The following IFT27 variants were observed in gnomAD, a reference collection of about 807,000 sequenced individuals.
IFT27 encodes intraflagellar transport protein 27 homolog.
A neutral mutation model predicts 23.9 loss-of-function variants in IFT27; 19 were observed. That is an observed-to-expected ratio of 0.79 (90% CI 0.55 to 1.16). The LOEUF (loss-of-function observed/expected upper bound fraction) is 1.16, where lower values mean the gene tolerates loss of function less well. Among genes scored for constraint, IFT27 ranks in the 50% most tolerant of loss-of-function variants. The probability of loss-of-function intolerance (pLI) is 0.00; values close to 1 mark genes in which losing one functional copy is unlikely to be tolerated. For missense variants in IFT27, 206 were observed against 228.7 expected (o/e 0.90, Z 0.64); for synonymous variants, 91 against 89.1 (o/e 1.02, Z -0.12).
chr22:36,763,853 G>A (rs760598391), intron 5 of IFT27, 66 bp downstream of exon 5: 3 of 1,148,588 alleles, frequency 2.6e-6, no homozygotes, highest in Non-Finnish European at 4.0e-6. Flanking sequence ...CCTCTGCAAT[G>A]CCCTTGTGCT....
intron 5 of IFT27, chr22:36,763,388 G>T (rs559148003): frequency 6.5e-5 from 17 of 259,796 alleles, no homozygotes; most frequent in Non-Finnish European, 1.2e-4. Context: ...GTAATCTAAG[G>T]ACTCGGCTCG....
rs781647476 is a variant in IFT27, at chr22:36,766,115, G to A, written c.234+23C>T. 1.1e-5 allele frequency: 17 copies of A among 1,607,390 alleles called. No homozygotes were observed. The Admixed American group carries it at 2.2e-4, about 20-fold the overall frequency. ...TTTGGCAGGAGGTGGTGACAGTCAG[G>A]AAAAAGACCACGTGCTACTTGCCAA... is the stretch of plus-strand genomic sequence containing the variant. On this transcript the variant is annotated intron_variant, in intron 4 of 6. Transcript: ENST00000433985.
At chr22:36,768,262 A>C (rs1446630127) in intron 1 of IFT27, 1 of 363,280 alleles carries the variant, frequency 2.8e-6, no homozygotes, top group African/African-American at 2.1e-5. Context: ...ACTGACAGGC[A>C]GAGTCACCTG....
chr22:36,771,913 C>T (rs2145924725), intron 1 of IFT27, among the ~76,000 whole-genome samples: 1 of 152,242 alleles, frequency 6.6e-6, no homozygotes, highest in South Asian at 2.1e-4. Context: ...TCCTTCATAG[C>T]CTACCCATCT....
At chr22:36,769,751 C>G (rs1938350297) in intron 1 of IFT27, among the ~76,000 whole-genome samples, 2 of 152,226 alleles carry the variant, frequency 1.3e-5, no homozygotes, top group South Asian at 4.1e-4. Flanking sequence ...TCGGAGCAAA[C>G]AGAGCGCATC....
intron 3 of IFT27, 190 bp from the exon 4 acceptor site, chr22:36,766,387 T>C (rs1601497245): frequency 3.4e-6 from 2 of 592,316 alleles, no homozygotes; most frequent in Non-Finnish European, 6.1e-6. Flanking sequence ...TCCAGAGTCT[T>C]AGAGAGGCAG....
chr22:36,769,251 T>G (rs1256775687), intron 1 of IFT27, among the ~76,000 whole-genome samples: 1 of 152,152 alleles, frequency 6.6e-6, no homozygotes, highest in East Asian at 1.9e-4. Flanking sequence ...TCACCTTACC[T>G]GACAGATGAA....
chr22:36,772,853 T>G (rs1938416424), intron 1 of IFT27: 65 of 705,628 alleles, frequency 9.2e-5, no homozygotes, highest in Non-Finnish European at 1.0e-4. Flanking sequence ...ACCAATGGCA[T>G]GTGTGTGGTG....
At position 36,768,077 on chromosome 22, in the gene IFT27, G is replaced by A. The variant is rs899575618; in HGVS notation, c.35-215C>T. ...AACAGCCAGAGCACACTTCTGCACG[G>A]CTAAGCCTTTTATCCACAGGAACTG... On this transcript the variant is annotated intron_variant, in intron 1 of 6. Transcript: ENST00000433985. 13 of 674,076 alleles carry A rather than the reference G, an allele frequency of 1.9e-5. No individual in the cohort carries two copies. In the African/African-American group the frequency reaches 2.1e-4, roughly 11 times the overall value. The allele number at this position is 674,076 out of a possible 1,614,324, so 41.8% of individuals were successfully genotyped here. A position where few individuals can be genotyped will look rare whatever the true frequency, so the allele number is the denominator to read the frequency against.
intron 6 of IFT27, chr22:36,760,080 C>A (rs910662585): frequency 1.3e-5 from 2 of 152,244 alleles, no homozygotes; most frequent in African/African-American, 4.8e-5. Context: ...CTCCCAACAG[C>A]CAAGGACTTG....
rs1937995026 is a variant in IFT27, at chr22:36,758,577, T to G, written c.463-168A>C. 3.3e-6 allele frequency: 2 copies of G among 608,432 alleles called. 1 individual carries two copies. The highest frequency in any genetic ancestry group is 3.9e-5 in the South Asian group (2 of 51,538). 37.7% of individuals were successfully genotyped at this position (608,432 alleles called of 1,614,324 possible). A position where few individuals can be genotyped will look rare whatever the true frequency, so the allele number is the denominator to read the frequency against. ...GATGCCAGTTTTACAAGAAGGAAAC[T>G]CAGATGGAGTCAGGTAACTCAGAGA... On this transcript the variant is annotated intron_variant, in intron 6 of 6. Transcript: ENST00000433985.
At chr22:36,771,119 C>A (rs553757938) in intron 1 of IFT27, among the ~76,000 whole-genome samples, 151 of 150,876 alleles carry the variant, frequency 1.0e-3, no homozygotes, top group African/African-American at 3.6e-3. Flanking sequence ...ACAGCGCCAG[C>A]GGGCAGTGCC....
intron 6 of IFT27, 63 bp from the exon 7 acceptor site, chr22:36,758,472 C>G: frequency 8.2e-7 from 1 of 1,224,974 alleles, no homozygotes; most frequent in Middle Eastern, 2.5e-4. Context: ...CCAGCTCTCA[C>G]TCAATGCTTC....
In IFT27 at chr22:36,775,933, A is replaced by C. The variant is rs1311155420; in HGVS notation, c.-226T>G. On this transcript the variant is annotated 5_prime_UTR_variant, in exon 1 of 7. Coordinates refer to ENST00000433985, the MANE Select transcript of IFT27 (RefSeq NM_001177701.3). ...GGGCGGGTGGGCAGGGGAGGGCTCC[A>C]GGTGGGCCCGGCTCGAGGCCTGACA... 2 of 592,030 alleles carry C rather than the reference A, an allele frequency of 3.4e-6. No individual in the cohort carries two copies. The highest frequency in any genetic ancestry group is 1.9e-5 in the African/African-American group (1 of 53,502). 36.7% of individuals were successfully genotyped at this position (592,030 alleles called of 1,614,324 possible).
chr22:36,760,988 C>T (rs5995340), intron 6 of IFT27: 10,749 of 166,962 alleles, frequency 0.064, 409 homozygotes, highest in South Asian at 0.095. Flanking sequence ...TCTCAAGCTG[C>T]GTTTGCTTAT....
At chr22:36,761,363 C>T (rs1310458776) in intron 6 of IFT27, 2 of 152,178 alleles carry the variant, frequency 1.3e-5, no homozygotes, top group Non-Finnish European at 2.9e-5. Flanking sequence ...CAAAGGTGTG[C>T]TGCAGAAAAG....
chr22:36,768,926 C>T (rs1455313314), intron 1 of IFT27, among the ~76,000 whole-genome samples: 1 of 152,220 alleles, frequency 6.6e-6, no homozygotes, highest in African/African-American at 2.4e-5. Flanking sequence ...CAACTCACAT[C>T]ACTTGGTACC....
At chr22:36,766,088 G>C in intron 4 of IFT27, 50 bp downstream of exon 4, 1 of 1,470,944 alleles carries the variant, frequency 6.8e-7, no homozygotes, top group South Asian at 1.1e-5. Flanking sequence ...AGGGGTAAAC[G>C]TTTTGGCAGG....
intron 4 of IFT27, among the ~76,000 whole-genome samples, chr22:36,764,593 G>C (rs1938194897): frequency 6.6e-6 from 1 of 152,240 alleles, no homozygotes; most frequent in Admixed American, 6.5e-5. Context: ...TCATTAGCCA[G>C]CCTGGGAAGC....
Sources: gnomAD v4.1 joint callset for allele counts (sites outside exome capture counted in the v4.1 genomes callset) on GRCh38, gnomAD v4.1.1 for gene constraint, MANE v1.5 for transcripts, NCBI Gene and HGNC (gene_info 2026-07-23, HGNC 2026-07-21) for gene names.